Variants in PTPRG observed in about 807,000 individuals in gnomAD.
The protein encoded by PTPRG is receptor-type tyrosine-protein phosphatase gamma.
A neutral mutation model predicts 165.3 loss-of-function variants in PTPRG; 102 were observed. The ratio of observed to expected loss-of-function variants is 0.62; its 90% CI spans 0.53 to 0.73. The LOEUF is 0.73. PTPRG is among the 30% of genes least tolerant of loss of function. PTPRG has a pLI of 0.00. For missense variants in PTPRG, 1,866 were observed against 1,861.4 expected (o/e 1.00, Z -0.05); for synonymous variants, 675 against 669.5 (o/e 1.01, Z -0.13).
chr3:61,999,861 G>A (rs999659635), intron 3 of PTPRG, among the ~76,000 whole-genome samples: 1 of 152,044 alleles, frequency 6.6e-6, no homozygotes, highest in Admixed American at 6.6e-5. Context: ...TGAGTATCAG[G>A]GAACTATGTG....
In PTPRG at chr3:62,168,180, T is replaced by G. The variant is rs1357258000; in HGVS notation, c.1033+17T>G. On this transcript the variant is annotated intron_variant, in intron 8 of 29. Coordinates refer to ENST00000474889, the MANE Select transcript of PTPRG (RefSeq NM_002841.4). ...CCTCTAAAGGTATATTTGGCTTAAG[T>G]GCCTTGCCCAGAGGAAGATTCCTTA... 8 of 1,584,282 alleles carry G rather than the reference T, an allele frequency of 5.0e-6. No homozygotes were observed. Among genetic ancestry groups the G allele is most frequent in the Admixed American group, 1.8e-5 (1 of 54,490 alleles).
chr3:62,273,899 T>C lies in PTPRG; in HGVS notation c.3465+55T>C. On this transcript the variant is annotated intron_variant, in intron 23 of 29. Coordinates refer to ENST00000474889, the MANE Select transcript of PTPRG (RefSeq NM_002841.4). This position sits in a 1 kb window ranked among gnomAD's most constrained non-coding sequence, Gnocchi z 4.1. ...AAAGCAAGAAAATGTTTTAAATGCC[T>C]TGAGTTTGGGGGTTATGTCTTCTTT... The C allele has an allele frequency of 1.3e-6, 2 of 1,567,424 alleles. No individual in the cohort carries two copies. The highest frequency in any genetic ancestry group is 1.7e-6 in the Non-Finnish European group (2 of 1,143,826).
chr3:61,747,208 G>A (rs1222959618), intron 1 of PTPRG, among the ~76,000 whole-genome samples: 3 of 152,198 alleles, frequency 2.0e-5, no homozygotes, highest in Non-Finnish European at 2.9e-5. Flanking sequence ...CTTTGTAACA[G>A]TCTTAGAAGG....
chr3:61,944,950 C>G (rs1179345704), intron 2 of PTPRG, among the ~76,000 whole-genome samples: 1 of 152,156 alleles, frequency 6.6e-6, no homozygotes, highest in East Asian at 1.9e-4. Flanking sequence ...GCTGTCTGTC[C>G]TACAGATTGC....
At chr3:62,028,089 G>T (rs1431297156) in intron 4 of PTPRG, among the ~76,000 whole-genome samples, 2 of 152,196 alleles carry the variant, frequency 1.3e-5, no homozygotes, top group Non-Finnish European at 2.9e-5. Context: ...TTACTGAAAG[G>T]ATAAGACAGT....
chr3:62,288,422 C>T (rs896802416), intron 28 of PTPRG, among the ~76,000 whole-genome samples: 1 of 152,152 alleles, frequency 6.6e-6, no homozygotes, highest in African/African-American at 2.4e-5. Flanking sequence ...CACCTATAAT[C>T]CCAGCACTTT....
At chr3:62,040,976 A>T (rs775170912) in intron 4 of PTPRG, among the ~76,000 whole-genome samples, 101 of 152,326 alleles carry the variant, frequency 6.6e-4, no homozygotes, top group Admixed American at 3.9e-4. Context: ...TGGGATGCAG[A>T]TGAACAGACC....
chr3:62,273,345 G>T lies in PTPRG; in HGVS notation c.3318+264G>T, dbSNP rs555724719. On this transcript the variant is annotated intron_variant, in intron 22 of 29. Coordinates refer to ENST00000474889, the MANE Select transcript of PTPRG (RefSeq NM_002841.4). This position sits in a 1 kb window ranked among gnomAD's most constrained non-coding sequence, Gnocchi z 4.1. ...GTTTCAAGAGCTGTGTTAGATGGTA[G>T]GGGGAGTTAAACATGTTGTCTGGCC... Among the ~76,000 whole-genome samples, 1 of 152,326 alleles carries T rather than the reference G, an allele frequency of 6.6e-6. No homozygotes were observed. Among genetic ancestry groups the T allele is most frequent in the Non-Finnish European group, 1.5e-5 (1 of 68,038 alleles).
chr3:62,255,631 G>A lies in PTPRG; in HGVS notation c.2559+416G>A, dbSNP rs1391815619. Among the ~76,000 whole-genome samples, 1 of 152,116 alleles carries A rather than the reference G, an allele frequency of 6.6e-6. No homozygotes were observed. The highest frequency in any genetic ancestry group is 1.5e-5 in the Non-Finnish European group (1 of 68,030). ...ACTGGGTGCTGGCTTCATCAGTAGT[G>A]AGCTTCATAATCCTCAGACCAATCA... On this transcript the variant is annotated intron_variant, in intron 16 of 29. Coordinates refer to ENST00000474889, the MANE Select transcript of PTPRG (RefSeq NM_002841.4). This position sits in a 1 kb window ranked among gnomAD's most constrained non-coding sequence, Gnocchi z 4.0.
At position 61,784,250 on chromosome 3, in the gene PTPRG, A is replaced by G. The variant is rs770445745; in HGVS notation, c.190+35268A>G. Among the ~76,000 whole-genome samples, 4 of 152,280 alleles carry G rather than the reference A, an allele frequency of 2.6e-5. No homozygotes were observed. In the South Asian group the frequency reaches 6.2e-4, roughly 24 times the overall value. Reference sequence around the variant, plus strand: ...TTCCCAGCAGCTGATCTGAAGGGCAAGGCTACATGCTGAGTGGCAGTGGGG... The same window carrying G: ...TTCCCAGCAGCTGATCTGAAGGGCAGGGCTACATGCTGAGTGGCAGTGGGG... On this transcript the variant is annotated intron_variant, in intron 2 of 29. Coordinates refer to ENST00000474889, the MANE Select transcript of PTPRG (RefSeq NM_002841.4).
chr3:62,129,749 T>C (rs1400557010), intron 5 of PTPRG, among the ~76,000 whole-genome samples: 1 of 152,140 alleles, frequency 6.6e-6, no homozygotes, highest in Non-Finnish European at 1.5e-5. Context: ...ATTCAAACCA[T>C]AGTGGTCCCC....
At position 62,254,846 on chromosome 3, in the gene PTPRG, C is replaced by T. The variant is rs1280619196; in HGVS notation, c.2468-278C>T. On this transcript the variant is annotated intron_variant, in intron 15 of 29. Transcript: ENST00000474889. The surrounding 1 kb of genome is among the most constrained non-coding windows in gnomAD (Gnocchi z 4.6). Reference sequence around the variant, plus strand: ...TTAAGAGTATGCTATGGTAATTTAACTATGTAAATTGCGTTGAATATAAAA... The same window carrying T: ...TTAAGAGTATGCTATGGTAATTTAATTATGTAAATTGCGTTGAATATAAAA... 3.3e-5 allele frequency among the ~76,000 whole-genome samples: 5 copies of T among 151,974 alleles called. No homozygotes were observed. The highest frequency in any genetic ancestry group is 1.2e-4 in the African/African-American group (5 of 41,370).
rs58689072 is a variant in PTPRG, at chr3:62,092,063, GACACACAC to G, written c.615+13865_615+13872del. On this transcript the variant is annotated intron_variant, in intron 5 of 29. Coordinates refer to ENST00000474889, the MANE Select transcript of PTPRG (RefSeq NM_002841.4). Reference sequence around the variant, plus strand: ...TTAGGGAGGTTACCCCTTATACATGGACACACACACACACACACACACACACACACACA... The same window carrying G: ...TTAGGGAGGTTACCCCTTATACATGGACACACACACACACACACACACACA... Among the ~76,000 whole-genome samples the G allele has an allele frequency of 4.6e-3, 526 of 114,894 alleles. 5 individuals are homozygous for G. Among genetic ancestry groups the G allele is most frequent in the African/African-American group, 9.1e-3 (263 of 29,042 alleles). 75.4% of individuals were successfully genotyped at this position (114,894 alleles called of 152,430 possible).
At chr3:62,124,319 T>G in intron 5 of PTPRG, 1 of 1,609,538 alleles carries the variant, frequency 6.2e-7, no homozygotes, top group East Asian at 2.2e-5. Flanking sequence ...CCTGGATGCC[T>G]GGTTCTGCCC....
chr3:62,156,854 A>G (rs950390557), intron 6 of PTPRG, among the ~76,000 whole-genome samples: 6 of 152,114 alleles, frequency 3.9e-5, no homozygotes, highest in African/African-American at 7.2e-5. Context: ...TTATTGAAAT[A>G]TACTGTGGTA....
chr3:61,830,894 G>A (rs1256442659), intron 2 of PTPRG, among the ~76,000 whole-genome samples: 1 of 152,106 alleles, frequency 6.6e-6, no homozygotes, highest in Non-Finnish European at 1.5e-5. Context: ...TTTATCGGGA[G>A]GTATAAATGC....
chr3:61,988,045 A>T (rs965524674), intron 2 of PTPRG, among the ~76,000 whole-genome samples: 1 of 152,198 alleles, frequency 6.6e-6, no homozygotes, highest in African/African-American at 2.4e-5. Context: ...GAAAATGGTG[A>T]TGTGAACTTT....
intron 1 of PTPRG, among the ~76,000 whole-genome samples, chr3:61,577,280 A>T (rs936178178): frequency 6.6e-6 from 1 of 152,206 alleles, no homozygotes; most frequent in African/African-American, 2.4e-5. Flanking sequence ...AAGTACTCGG[A>T]TGACATCAGG....
chr3:61,706,509 T>C (rs77982938), intron 1 of PTPRG, among the ~76,000 whole-genome samples: 3,709 of 146,932 alleles, frequency 0.025, 146 homozygotes, highest in African/African-American at 0.086. Context: ...TTTTTTTTTT[T>C]CGAGATGAAG....
Sources: allele counts gnomAD v4.1 joint callset (sites outside exome capture counted in the v4.1 genomes callset), GRCh38; gene constraint gnomAD v4.1.1; non-coding constraint Gnocchi (gnomAD v3.1); transcripts MANE v1.5; gene names NCBI Gene and HGNC (gene_info 2026-07-23, HGNC 2026-07-21).